The following LHPP variants were observed in gnomAD, a reference collection of about 807,000 sequenced individuals.
LHPP encodes hLHPP.
LHPP carries 24 observed loss-of-function variants against 30.3 expected under a neutral mutation model. That is an observed-to-expected ratio of 0.79 (90% CI 0.57 to 1.11). The LOEUF is 1.11. Ranked by LOEUF, LHPP falls within the 50% of genes most tolerant of loss-of-function variation. LHPP has a pLI of 0.00. For missense variants in LHPP, 356 were observed against 367.2 expected, an observed-to-expected ratio of 0.97 and a Z score of 0.25; for synonymous variants, 150 against 157.1, an observed-to-expected ratio of 0.95 and a Z score of 0.34.
intron 3 of LHPP, among the ~76,000 whole-genome samples, chr10:124,495,047 G>A (rs1789137620): frequency 6.6e-6 from 1 of 152,240 alleles, no homozygotes; most frequent in African/African-American, 2.4e-5. Context: ...GTAGCTGATT[G>A]TCCAACTGGG....
intron 6 of LHPP, among the ~76,000 whole-genome samples, chr10:124,559,167 CA>C (rs1217797430): frequency 6.6e-6 from 1 of 152,200 alleles, no homozygotes; most frequent in Non-Finnish European, 1.5e-5. Flanking sequence ...TTTCTACCCC[CA>C]GGCTAGTTAA....
At chr10:124,580,468 A>G (rs1948728545) in intron 6 of LHPP, among the ~76,000 whole-genome samples, 1 of 152,118 alleles carries the variant, frequency 6.6e-6, no homozygotes, top group South Asian at 2.1e-4. Flanking sequence ...ATTTGATTTT[A>G]TTTTCTATGT....
chr10:124,600,260 G>A (rs547268331), intron 6 of LHPP, among the ~76,000 whole-genome samples: 188 of 152,354 alleles, frequency 1.2e-3, no homozygotes, highest in Middle Eastern at 3.4e-3. Flanking sequence ...GCGCAGCCCC[G>A]GCTTCTGTGA....
rs1415621689 is a variant in LHPP, at chr10:124,530,031, C to G, written c.716+12760C>G. Among the ~76,000 whole-genome samples, 5 of 152,162 alleles carry G rather than the reference C, an allele frequency of 3.3e-5. No individual in the cohort carries two copies. The East Asian group carries it at 9.6e-4, about 29-fold the overall frequency. On this transcript the variant is annotated intron_variant, in intron 6 of 6. Coordinates refer to ENST00000368842, the MANE Select transcript of LHPP (RefSeq NM_022126.4). ...CCACAGGGCCCAGGCCACCCGCATG[C>G]ATCCCATGAGGCCGTCCAAGCCCGT...
chr10:124,554,918 A>C (rs948479776), intron 6 of LHPP, among the ~76,000 whole-genome samples: 2 of 152,236 alleles, frequency 1.3e-5, no homozygotes, highest in Non-Finnish European at 2.9e-5. Flanking sequence ...TTTATTGAGC[A>C]CCTGCTGTGT....
At chr10:124,526,292 A>G (rs897288) in intron 6 of LHPP, 377,427 of 953,642 alleles carry the variant, frequency 0.4, 75,963 homozygotes, top group East Asian at 0.66. Flanking sequence ...GCCAGTGCTC[A>G]TGCTTACACA....
At chr10:124,512,756 TCA>T (rs1287690294) in intron 5 of LHPP, among the ~76,000 whole-genome samples, 1 of 151,538 alleles carries the variant, frequency 6.6e-6, no homozygotes, top group Non-Finnish European at 1.5e-5. Flanking sequence ...TGGCCCAAGG[TCA>T]CACAGCCAGC....
intron 6 of LHPP, among the ~76,000 whole-genome samples, chr10:124,532,200 GCTTCA>G (rs1434242428): frequency 6.6e-6 from 1 of 152,184 alleles, no homozygotes; most frequent in Non-Finnish European, 1.5e-5. Flanking sequence ...TTCAGTCTTT[GCTTCA>G]GCCCTGGAAT....
chr10:124,464,807 A>G (rs1952510751), intron 1 of LHPP, among the ~76,000 whole-genome samples: 1 of 152,174 alleles, frequency 6.6e-6, no homozygotes, highest in Non-Finnish European at 1.5e-5. Context: ...GATACATTTG[A>G]CATTATCTAC....
intron 6 of LHPP, among the ~76,000 whole-genome samples, chr10:124,526,854 G>A (rs959036204): frequency 6.6e-6 from 1 of 152,234 alleles, no homozygotes; most frequent in Non-Finnish European, 1.5e-5. Context: ...TGGTGGGGAG[G>A]TGGGGAGGGG....
intron 6 of LHPP, among the ~76,000 whole-genome samples, chr10:124,595,258 G>A (rs1271537709): frequency 6.6e-6 from 1 of 152,200 alleles, no homozygotes; most frequent in Non-Finnish European, 1.5e-5. Context: ...CTGCAACCTG[G>A]TTGGGGACGC....
At chr10:124,501,157 A>G (rs1335401662) in intron 5 of LHPP, among the ~76,000 whole-genome samples, 1 of 152,004 alleles carries the variant, frequency 6.6e-6, no homozygotes, top group Non-Finnish European at 1.5e-5. Flanking sequence ...ACACAAAAGG[A>G]CACATATTGT....
intron 3 of LHPP, chr10:124,490,009 A>G: frequency 6.0e-6 from 1 of 166,002 alleles, no homozygotes; most frequent in South Asian, 1.4e-4. Flanking sequence ...GTCTTTCGCC[A>G]TCTGTGGGTA....
intron 6 of LHPP, among the ~76,000 whole-genome samples, chr10:124,553,681 G>GGTAC (rs1948227325): frequency 6.6e-6 from 1 of 151,988 alleles, no homozygotes; most frequent in Admixed American, 6.5e-5. Context: ...GGATGGTCTC[G>GGTAC]ATCTCCTGAC....
chr10:124,559,102 C>T (rs1948350801), intron 6 of LHPP, among the ~76,000 whole-genome samples: 1 of 152,134 alleles, frequency 6.6e-6, no homozygotes, highest in Non-Finnish European at 1.5e-5. Context: ...GCGGCCCCCA[C>T]CTATGTGCAA....
chr10:124,595,904 G>C (rs1276610924), intron 6 of LHPP, among the ~76,000 whole-genome samples: 1 of 152,212 alleles, frequency 6.6e-6, no homozygotes, highest in Non-Finnish European at 1.5e-5. Flanking sequence ...CAGCCACCCA[G>C]ATGAAGACGA....
In LHPP at chr10:124,593,329, T is replaced by G. The variant is rs1228590140; in HGVS notation, c.717-19935T>G. ...CTGCGCTCTCGGGAGGGAAACAGAC[T>G]CTTATCCTCTTAGGTACAGCCTCCC... is the stretch of plus-strand genomic sequence containing the variant. On this transcript the variant is annotated intron_variant, in intron 6 of 6. Coordinates refer to ENST00000368842, the MANE Select transcript of LHPP (RefSeq NM_022126.4). The surrounding 1 kb of genome is among the most constrained non-coding windows in gnomAD (Gnocchi z 4.9). Among the ~76,000 whole-genome samples the G allele has an allele frequency of 8.0e-6, 1 of 125,614 alleles. No homozygotes were observed. The highest frequency in any genetic ancestry group is 8.9e-5 in the Admixed American group (1 of 11,258). The allele number at this position is 125,614 out of a possible 152,430, so 82.4% of individuals were successfully genotyped here. A position where few individuals can be genotyped will look rare whatever the true frequency, so the allele number is the denominator to read the frequency against.
At chr10:124,565,949 C>G (rs1400239669) in intron 6 of LHPP, among the ~76,000 whole-genome samples, 1 of 152,258 alleles carries the variant, frequency 6.6e-6, no homozygotes, top group Non-Finnish European at 1.5e-5. Context: ...ACCAAGAAAG[C>G]AGAGCGGAGA....
At chr10:124,569,540 A>G (rs939106714) in intron 6 of LHPP, among the ~76,000 whole-genome samples, 3 of 150,754 alleles carry the variant, frequency 2.0e-5, no homozygotes, top group Admixed American at 6.6e-5. Flanking sequence ...CGTGGCGGGC[A>G]GGGTGGGCAG....
Sources: allele counts gnomAD v4.1 joint callset (sites outside exome capture counted in the v4.1 genomes callset), GRCh38; gene constraint gnomAD v4.1.1; non-coding constraint Gnocchi (gnomAD v3.1); transcripts MANE v1.5; gene names NCBI Gene and HGNC (gene_info 2026-07-23, HGNC 2026-07-21).